SEPTIN4: variants seen among roughly 807,000 people sequenced by gnomAD.
The protein encoded by SEPTIN4 is septin-4.
Under a neutral mutation model 107.1 loss-of-function variants are expected in SEPTIN4, and 52 were observed. The ratio of observed to expected loss-of-function variants is 0.49; its 90% CI spans 0.39 to 0.61. SEPTIN4 has a LOEUF of 0.61. SEPTIN4 is among the 20% of genes least tolerant of loss of function. The probability of loss-of-function intolerance (pLI) is 0.00; values close to 1 mark genes in which losing one functional copy is unlikely to be tolerated. For missense variants in SEPTIN4, 1,048 were observed against 1,243.5 expected, an observed-to-expected ratio of 0.84 and a Z score of 2.36; for synonymous variants, 417 against 467.0, an observed-to-expected ratio of 0.89 and a Z score of 1.38.
In SEPTIN4 at chr17:58,543,977, A is replaced by G; in HGVS notation, c.210T>C (p.Ser70=). 6.2e-7 allele frequency: 1 copy of G among 1,613,902 alleles called. No individual in the cohort carries two copies. Among genetic ancestry groups the G allele is most frequent in the Non-Finnish European group, 8.5e-7 (1 of 1,179,854 alleles). The change falls in exon 1 of 14, where the codon TCT becomes TCC. Residue 70 remains serine, a synonymous_variant. Transcript: ENST00000672673. The stretch of plus-strand genomic sequence containing the variant: ...GTCCAGGTCCTGACTGGAGGGAGAC[A>G]GATCGAGGGTAGTCTGATGCTGAAT... The part of the protein sequence containing the change: ...TPHSASDYPR[S]VSLQSGPGHY...
chr17:58,532,556 G>C (rs1437900096), intron 3 of SEPTIN4, among the ~76,000 whole-genome samples: 2 of 152,232 alleles, frequency 1.3e-5, no homozygotes, highest in African/African-American at 4.8e-5. Flanking sequence ...CCCGAGCTGT[G>C]AAGGGGCAGG....
intron 3 of SEPTIN4, among the ~76,000 whole-genome samples, chr17:58,537,038 A>G (rs1227436931): frequency 6.6e-6 from 1 of 152,250 alleles, no homozygotes; most frequent in Non-Finnish European, 1.5e-5. Flanking sequence ...AAATACACCA[A>G]AAAGTCCACA....
At chr17:58,532,017 G>A (rs960327354) in intron 3 of SEPTIN4, 8 of 1,134,060 alleles carry the variant, frequency 7.1e-6, no homozygotes, top group Admixed American at 4.9e-5. Context: ...AGCGACCCGC[G>A]GCGGAGCTGC....
intron 3 of SEPTIN4, chr17:58,527,820 C>T (rs1303790995): frequency 1.2e-5 from 12 of 985,446 alleles, no homozygotes; most frequent in Non-Finnish European, 1.4e-5. Flanking sequence ...TGAGTTGTCT[C>T]CTTACCCCCT....
intron 3 of SEPTIN4, chr17:58,529,822 T>G (rs1410916896): frequency 2.0e-5 from 3 of 149,770 alleles, no homozygotes; most frequent in African/African-American, 7.4e-5. Flanking sequence ...TTTTTTCCTG[T>G]GAGGAACGTC....
chr17:58,527,235 T>G, intron 3 of SEPTIN4: 1 of 706,386 alleles, frequency 1.4e-6, no homozygotes. Flanking sequence ...CCCAGAGCCC[T>G]GGCAACTGCT....
intron 4 of SEPTIN4, 147 bp from the exon 5 acceptor site, chr17:58,526,460 G>A: frequency 7.2e-7 from 1 of 1,389,076 alleles, no homozygotes; most frequent in Non-Finnish European, 9.3e-7. Flanking sequence ...GAGGCCACCA[G>A]CTGGGCCTCC....
chr17:58,536,014 G>A (rs2043697781), intron 3 of SEPTIN4, among the ~76,000 whole-genome samples: 2 of 152,146 alleles, frequency 1.3e-5, no homozygotes, highest in African/African-American at 4.8e-5. Context: ...AGACACAGAT[G>A]TTACTCTCAC....
intron 7 of SEPTIN4, among the ~76,000 whole-genome samples, chr17:58,523,310 G>A (rs1214428628): frequency 4.6e-5 from 7 of 151,680 alleles, no homozygotes; most frequent in Middle Eastern, 3.4e-3. Flanking sequence ...GGGGAGCCCC[G>A]GGAGGTGGTT....
Position 58,543,808 on chromosome 17 carries a change from TG to T in SEPTIN4, c.378del (p.Arg127GlufsTer33). On this transcript the variant is annotated frameshift_variant, in exon 1 of 14. Transcript: ENST00000672673. LOFTEE classifies it high-confidence loss of function. ...ASSRQWKVSPPREEAARRGSE... is the reference protein window; with the variant it reads ...ASSRQWKVSPXREEAARRGSE... ...CTGCCTCTTCGTGCTGCTTCCTCTC[TG>T]GGTGGACTAACTTTCCATTGTCTGC... The T allele has an allele frequency of 6.2e-7, 1 of 1,614,214 alleles. No homozygotes were observed. The highest frequency in any genetic ancestry group is 2.2e-5 in the East Asian group (1 of 44,886).
chr17:58,535,257 CTG>C (rs754461654), intron 3 of SEPTIN4, among the ~76,000 whole-genome samples: 1 of 152,232 alleles, frequency 6.6e-6, no homozygotes, highest in Non-Finnish European at 1.5e-5. Context: ...CTGGGGAACA[CTG>C]TGTTTCCTGG....
At chr17:58,533,452 A>G (rs1466596317) in intron 3 of SEPTIN4, among the ~76,000 whole-genome samples, 2 of 152,176 alleles carry the variant, frequency 1.3e-5, no homozygotes, top group African/African-American at 4.8e-5. Flanking sequence ...GAAGGAGGAT[A>G]TGCTGTATGC....
At chr17:58,522,473 A>C (rs2042370176) in intron 7 of SEPTIN4, among the ~76,000 whole-genome samples, 1 of 151,986 alleles carries the variant, frequency 6.6e-6, no homozygotes, top group African/African-American at 2.4e-5. Context: ...CACCCTGACC[A>C]ACATGGTGAA....
chr17:58,524,974 C>T (rs2042683692), intron 7 of SEPTIN4, 104 bp downstream of exon 7: 3 of 1,495,912 alleles, frequency 2.0e-6, no homozygotes, highest in East Asian at 2.3e-5. Flanking sequence ...AGGTCATAGA[C>T]CGCTTCCTCC....
intron 7 of SEPTIN4, chr17:58,524,490 G>C (rs553347469): frequency 6.6e-6 from 1 of 152,032 alleles, no homozygotes; most frequent in African/African-American, 2.4e-5. Context: ...CAGTTTATTC[G>C]GCATCTACTA....
At chr17:58,541,119 CTT>C (rs1403034412) in intron 2 of SEPTIN4, among the ~76,000 whole-genome samples, 1 of 152,192 alleles carries the variant, frequency 6.6e-6, no homozygotes, top group African/African-American at 2.4e-5. Flanking sequence ...CTTCTCTGCT[CTT>C]TGCTGACCAT....
Position 58,543,152 on chromosome 17 carries a change from C to T in SEPTIN4, c.1035G>A (p.Glu345=), listed in dbSNP as rs146081642. The T allele has an allele frequency of 3.7e-6, 6 of 1,612,800 alleles. No individual in the cohort carries two copies. Among genetic ancestry groups the T allele is most frequent in the Admixed American group, 1.7e-5 (1 of 59,968 alleles). ...VTISPGVQSV[E]PTHHVTVPSV... is the part of the protein sequence containing the mutation. ...ATGGAACTGTCACATGGTGAGTTGG[C>T]TCTACTGACTGTACCCCTGGGGAGA... The change falls in exon 1 of 14, where the codon GAG becomes GAA. Residue 345 remains glutamate (E), a synonymous_variant. Coordinates refer to ENST00000672673, the MANE Select transcript of SEPTIN4 (RefSeq NM_001368771.2).
Position 58,526,905 on chromosome 17 carries a change from G to T in SEPTIN4, c.1688C>A (p.Ala563Glu), listed in dbSNP as rs1369111926. The T allele has an allele frequency of 6.2e-7, 1 of 1,614,126 alleles. No individual in the cohort carries two copies. The highest frequency in any genetic ancestry group is 1.7e-5 in the Admixed American group (1 of 60,012). The change falls in exon 4 of 14, where the codon GCG becomes GAG. Residue 563 changes from alanine (A) to glutamate (E), a missense_variant. Physicochemically the swap from Ala to Glu is moderately radical, Grantham distance 107. Transcript: ENST00000672673. ...CTTAGCCTCTGGTGGGTGGCAGCTC[G>T]CATTTCCTGAGAAATCCTTCACGAA... Reference protein sequence around the residue: ...SKFVKDFSGNASCHPPEAKTW... With the variant: ...SKFVKDFSGNESCHPPEAKTW...
chr17:58,521,235 C>G lies in SEPTIN4; in HGVS notation c.2668+19G>C. ...ACTGAGGGCAAGGAGATACCCTGGT[C>G]ACAGGCTCAGTGCTTTACCTTCCAC... On this transcript the variant is annotated intron_variant, in intron 11 of 13. Transcript: ENST00000672673. This position sits in a 1 kb window ranked among gnomAD's most constrained non-coding sequence, Gnocchi z 6.4. 6.2e-7 allele frequency: 1 copy of G among 1,614,168 alleles called. No homozygotes were observed. The highest frequency in any genetic ancestry group is 1.6e-4 in the Middle Eastern group (1 of 6,062).
Sources: allele counts gnomAD v4.1 joint callset (sites outside exome capture counted in the v4.1 genomes callset), GRCh38; gene constraint gnomAD v4.1.1; non-coding constraint Gnocchi (gnomAD v3.1); transcripts MANE v1.5; gene names NCBI Gene and HGNC (gene_info 2026-07-23, HGNC 2026-07-21).